SDK2: variants seen among roughly 807,000 people sequenced by gnomAD.
SDK2 encodes the protein protein sidekick-2.
In SDK2, 105 loss-of-function variants were observed where a neutral mutation model predicts 253.9. That is an observed-to-expected ratio of 0.41 (90% CI 0.35 to 0.49). The LOEUF is 0.49. SDK2 is among the 20% of genes least tolerant of loss of function. The probability of loss-of-function intolerance (pLI) is 0.06; values close to 1 mark genes in which losing one functional copy is unlikely to be tolerated. For missense variants in SDK2, 2,608 were observed against 3,003.0 expected, an observed-to-expected ratio of 0.87 and a Z score of 3.07; for synonymous variants, 1,249 against 1,234.9, an observed-to-expected ratio of 1.01 and a Z score of -0.24.
At position 73,510,644 on chromosome 17, in the gene SDK2, C is replaced by T. The variant is rs189530342; in HGVS notation, c.65-3047G>A. Among the ~76,000 whole-genome samples, 36 of 152,228 alleles carry T rather than the reference C, an allele frequency of 2.4e-4. 1 individual carries two copies. The highest frequency in any genetic ancestry group is 1.7e-3 in the Admixed American group (26 of 15,306). ...CCTCCTGAGTAGCTGAGATCACAGG[C>T]GTGCACCACCAGCTAACTTTTGTAT... On this transcript the variant is annotated intron_variant, in intron 1 of 44. Transcript: ENST00000392650.
chr17:73,558,964 C>T (rs913654596), intron 1 of SDK2, among the ~76,000 whole-genome samples: 2 of 152,086 alleles, frequency 1.3e-5, no homozygotes, highest in Admixed American at 6.6e-5. Flanking sequence ...GCTCCCAGGA[C>T]GTGGCCTCAT....
chr17:73,512,033 GTGTC>G (rs1041815165), intron 1 of SDK2, among the ~76,000 whole-genome samples: 5 of 152,136 alleles, frequency 3.3e-5, no homozygotes, highest in African/African-American at 4.8e-5. Context: ...TCAAGTATGT[GTGTC>G]TGTGGTCTGT....
Position 73,342,531 on chromosome 17 carries a change from G to C in SDK2, c.6166-3591C>G, listed in dbSNP as rs2062448036. Among the ~76,000 whole-genome samples, 3 of 152,202 alleles carry C rather than the reference G, an allele frequency of 2.0e-5. No homozygotes were observed. The South Asian group carries it at 6.2e-4, about 32-fold the overall frequency. On this transcript the variant is annotated intron_variant, in intron 44 of 44. Coordinates refer to ENST00000392650, the MANE Select transcript of SDK2 (RefSeq NM_001144952.2). ...AACAGTGAGGGTCTGTGAATGCGGG[G>C]GACCAGACAGGGATGTCCCCCAGTT...
intron 1 of SDK2, among the ~76,000 whole-genome samples, chr17:73,573,888 C>G (rs1003788929): frequency 6.6e-6 from 1 of 152,230 alleles, no homozygotes; most frequent in Non-Finnish European, 1.5e-5. Flanking sequence ...CATGCCCAAC[C>G]CTGCCCTTTA....
chr17:73,568,233 C>T (rs759608192), intron 1 of SDK2, among the ~76,000 whole-genome samples: 1 of 152,158 alleles, frequency 6.6e-6, no homozygotes, highest in Admixed American at 6.5e-5. Context: ...GCACCTTCTC[C>T]CCCTCTCTCT....
intron 1 of SDK2, among the ~76,000 whole-genome samples, chr17:73,598,843 T>A (rs939690274): frequency 2.0e-5 from 3 of 152,180 alleles, no homozygotes; most frequent in Non-Finnish European, 2.9e-5. Context: ...GAAGGCCTCG[T>A]GTAAGTCACA....
chr17:73,486,280 T>C (rs1015260140), intron 2 of SDK2, among the ~76,000 whole-genome samples: 1 of 151,982 alleles, frequency 6.6e-6, no homozygotes, highest in African/African-American at 2.4e-5. Flanking sequence ...GATGTGAGAC[T>C]TGAGCAGGTT....
intron 2 of SDK2, among the ~76,000 whole-genome samples, chr17:73,490,552 T>G (rs1325347602): frequency 1.3e-5 from 2 of 149,912 alleles, no homozygotes; most frequent in Non-Finnish European, 3.0e-5. Context: ...GAGATGGGTT[T>G]TTTTTTTTTT....
intron 2 of SDK2, among the ~76,000 whole-genome samples, chr17:73,480,398 A>G (rs2145709615): frequency 6.6e-6 from 1 of 152,298 alleles, no homozygotes; most frequent in Non-Finnish European, 1.5e-5. Flanking sequence ...TTAATCAAAA[A>G]TTGTTGCTGA....
chr17:73,378,204 T>G (rs1017275874), intron 36 of SDK2, among the ~76,000 whole-genome samples: 4 of 151,830 alleles, frequency 2.6e-5, no homozygotes, highest in African/African-American at 9.7e-5. Context: ...GCTCAAGCAA[T>G]CCTCCCACCT....
At chr17:73,358,545 G>C (rs2062612704) in intron 39 of SDK2, among the ~76,000 whole-genome samples, 1 of 152,186 alleles carries the variant, frequency 6.6e-6, no homozygotes, top group Non-Finnish European at 1.5e-5. Context: ...TAGCCTTCCA[G>C]TGCCTCCGTT....
intron 1 of SDK2, among the ~76,000 whole-genome samples, chr17:73,561,743 C>G (rs2045238428): frequency 6.6e-6 from 1 of 152,240 alleles, no homozygotes; most frequent in Non-Finnish European, 1.5e-5. Flanking sequence ...CTCAAGGACT[C>G]TGTTCCAGGG....
intron 1 of SDK2, among the ~76,000 whole-genome samples, chr17:73,530,436 G>A (rs534491849): frequency 7.2e-5 from 11 of 152,170 alleles, no homozygotes; most frequent in South Asian, 2.1e-4. Flanking sequence ...GGGGGAAACC[G>A]TCCCCATGAT....
At chr17:73,637,477 C>T (rs2046345950) in intron 1 of SDK2, among the ~76,000 whole-genome samples, 1 of 152,230 alleles carries the variant, frequency 6.6e-6, no homozygotes, top group Admixed American at 6.5e-5. Context: ...CTCCCAGGTT[C>T]AAGCAATTCT....
rs762012928 is a variant in SDK2 at position 73,391,464 on chromosome 17, C to T, written c.3973G>A (p.Ala1325Thr). 7.6e-7 allele frequency: 1 copy of T among 1,310,334 alleles called. No individual in the cohort carries two copies. The highest frequency in any genetic ancestry group is 2.8e-5 in the East Asian group (1 of 35,628). The allele number at this position is 1,310,334 out of a possible 1,614,324, so 81.2% of individuals were successfully genotyped here. ...CCAAGAATGATGCCATTGGGGGCGG[C>T]AGGGGGCTGCCAGATCAGCCGCACA... Reference protein sequence around the residue: ...TSVRLIWQPPAAPNGIILAYQ... With the variant: ...TSVRLIWQPPTAPNGIILAYQ... The change falls in exon 28 of 45, where the codon GCC (alanine) becomes ACC (threonine). Residue 1325 changes from alanine (A) to threonine (T), a missense_variant. Physicochemically the swap from Ala to Thr is moderately conservative, Grantham distance 58. Coordinates refer to ENST00000392650, the MANE Select transcript of SDK2 (RefSeq NM_001144952.2).
chr17:73,410,117 G>A (rs1228390833), intron 18 of SDK2, among the ~76,000 whole-genome samples: 1 of 152,132 alleles, frequency 6.6e-6, no homozygotes, highest in Non-Finnish European at 1.5e-5. Context: ...GCCTCCCAAA[G>A]TGTTGCGATT....
intron 2 of SDK2, among the ~76,000 whole-genome samples, chr17:73,473,603 G>A (rs1198213588): frequency 6.6e-6 from 1 of 152,186 alleles, no homozygotes; most frequent in Non-Finnish European, 1.5e-5. Flanking sequence ...CATGAGATCT[G>A]GCTAGGGCCT....
At chr17:73,392,149 G>A (rs1423702736) in intron 27 of SDK2, among the ~76,000 whole-genome samples, 1 of 152,046 alleles carries the variant, frequency 6.6e-6, no homozygotes, top group African/African-American at 2.4e-5. Context: ...AAGATTGAAT[G>A]GAGTGGGTCA....
intron 12 of SDK2, among the ~76,000 whole-genome samples, chr17:73,430,299 G>C (rs1393906894): frequency 6.6e-6 from 1 of 152,142 alleles, no homozygotes; most frequent in African/African-American, 2.4e-5. Context: ...CTTGGAAACT[G>C]GCTTAACTCA....
Sources: allele counts gnomAD v4.1 joint callset (sites outside exome capture counted in the v4.1 genomes callset), GRCh38; gene constraint gnomAD v4.1.1; transcripts MANE v1.5; gene names NCBI Gene and HGNC (gene_info 2026-07-23, HGNC 2026-07-21).